The following CFHR2 variants were observed in gnomAD, a reference collection of about 807,000 sequenced individuals.
The protein encoded by CFHR2 is complement factor H-related protein 2.
A neutral mutation model predicts 21.7 loss-of-function variants in CFHR2; 22 were observed. That is an observed-to-expected ratio of 1.01 (90% confidence interval 0.72 to 1.45). The LOEUF (loss-of-function observed/expected upper bound fraction) is 1.45, where lower values mean the gene tolerates loss of function less well. Ranked by LOEUF, CFHR2 falls within the 40% of genes most tolerant of loss-of-function variation. CFHR2 has a pLI of 0.00. For missense variants in CFHR2, 294 were observed against 293.3 expected (o/e 1.00, Z -0.02); for synonymous variants, 98 against 97.4 (o/e 1.01, Z -0.04).
At chr1:196,953,294 A>AT (rs945243280) in intron 3 of CFHR2, among the ~76,000 whole-genome samples, 9 of 151,720 alleles carry the variant, frequency 5.9e-5, no homozygotes, top group Non-Finnish European at 1.2e-4. Flanking sequence ...TTACTTATTT[A>AT]TTTTTTGAGA....
intron 4 of CFHR2, 71 bp from the exon 5 acceptor site, chr1:196,958,810 A>C (rs1653002690): frequency 1.9e-5 from 19 of 977,060 alleles, no homozygotes; most frequent in Non-Finnish European, 3.0e-5. Flanking sequence ...ATAACATTCT[A>C]CTTGAAAACC....
intron 4 of CFHR2, among the ~76,000 whole-genome samples, chr1:196,958,342 C>T (rs975673463): frequency 6.6e-6 from 1 of 151,376 alleles, no homozygotes; most frequent in African/African-American, 2.4e-5. Context: ...GCAATGATTA[C>T]TATAAATTAA....
chr1:196,954,273 G>C (rs1013168440), intron 3 of CFHR2, among the ~76,000 whole-genome samples: 2 of 152,202 alleles, frequency 1.3e-5, no homozygotes, highest in Non-Finnish European at 2.9e-5. Flanking sequence ...TCCATAAAAG[G>C]TCTCATTTGA....
chr1:196,952,198 C>A (rs1652625753), intron 3 of CFHR2, among the ~76,000 whole-genome samples: 1 of 152,146 alleles, frequency 6.6e-6, no homozygotes, highest in Non-Finnish European at 1.5e-5. Context: ...ATCACTTGAG[C>A]CCAGGTGTTC....
chr1:196,949,701 G>A (rs753356137), intron 2 of CFHR2, 52 bp downstream of exon 2: 1 of 1,602,532 alleles, frequency 6.2e-7, no homozygotes, highest in Non-Finnish European at 8.5e-7. Context: ...AACAGAGAAG[G>A]ATATGCCAGA....
In CFHR2 at chr1:196,946,882, A is replaced by G. The variant is rs184895234; in HGVS notation, c.59-2573A>G. Among the ~76,000 whole-genome samples, 68 of 152,370 alleles carry G rather than the reference A, an allele frequency of 4.5e-4. No individual in the cohort carries two copies. The East Asian group carries it at 0.013, about 28-fold the overall frequency. ...GTAACACTTCTATATTGTCATCATC[A>G]AGTATTATGTACTGTACAAAATTGT... On this transcript the variant is annotated intron_variant, in intron 1 of 4. Transcript: ENST00000367415.
chr1:196,958,056 A>T lies in CFHR2; in HGVS notation c.596A>T (p.Glu199Val), dbSNP rs1362108171. ...QITCRNGQWS[E>V]PPKCLDPCVI... The stretch of plus-strand genomic sequence containing the variant: ...ACATGTAGAAACGGACAATGGTCAG[A>T]ACCACCAAAATGCTTAGGTAAGTAC... The change falls in exon 4 of 5, where the codon GAA (glutamate) becomes GTA (valine). Residue 199 changes from glutamate to valine, a missense_variant. By Grantham distance (121) the Glu-to-Val change is moderately radical (BLOSUM62 -2). Coordinates refer to ENST00000367415, the MANE Select transcript of CFHR2 (RefSeq NM_005666.4). 1.9e-5 allele frequency: 31 copies of T among 1,613,362 alleles called. No individual in the cohort carries two copies. Among genetic ancestry groups the T allele is most frequent in the Non-Finnish European group, 2.5e-5 (30 of 1,179,526 alleles).
chr1:196,949,580 C>T lies in CFHR2; in HGVS notation c.184C>T (p.Pro62Ser). 6.2e-7 allele frequency: 1 copy of T among 1,614,010 alleles called. No individual in the cohort carries two copies. The change falls in exon 2 of 5, where the codon CCT becomes TCT. Residue 62 changes from proline (P) to serine (S), a missense_variant. By Grantham distance (74) the Pro-to-Ser change is moderately conservative. Transcript: ENST00000367415. ...CTCCTGTGAATATAATTTTGTGTCTCCTTCAAAATCCTTTTGGACTCGCAT... is the reference window on the plus strand; with the variant it reads ...CTCCTGTGAATATAATTTTGTGTCTTCTTCAAAATCCTTTTGGACTCGCAT... ...YYSCEYNFVS[P>S]SKSFWTRITC...
chr1:196,944,849 T>A (rs1659415901), intron 1 of CFHR2, among the ~76,000 whole-genome samples: 1 of 150,320 alleles, frequency 6.7e-6, no homozygotes, highest in Admixed American at 6.6e-5. Context: ...CCCTTAGAAA[T>A]GTTGCAAAAT....
At position 196,959,207 on chromosome 1, in the gene CFHR2, T is replaced by C. The variant is rs993412081; in HGVS notation, c.*127T>C. 2.7e-6 allele frequency: 2 copies of C among 735,916 alleles called. No homozygotes were observed. Among genetic ancestry groups the C allele is most frequent in the Non-Finnish European group, 4.3e-6 (2 of 463,606 alleles). The allele number at this position is 735,916 out of a possible 1,614,324, so 45.6% of individuals were successfully genotyped here. A position where few individuals can be genotyped will look rare whatever the true frequency, so the allele number is the denominator to read the frequency against. On this transcript the variant is annotated 3_prime_UTR_variant, in exon 5 of 5. Coordinates refer to ENST00000367415, the MANE Select transcript of CFHR2 (RefSeq NM_005666.4). ...TTCATAAATAAAGTTTTGTGTTGATTTGTGAAAATGCAATTACAATCTGAG... is the reference window on the plus strand; with the variant it reads ...TTCATAAATAAAGTTTTGTGTTGATCTGTGAAAATGCAATTACAATCTGAG...
At chr1:196,954,401 A>T (rs989889920) in intron 3 of CFHR2, among the ~76,000 whole-genome samples, 3 of 152,224 alleles carry the variant, frequency 2.0e-5, no homozygotes, top group Non-Finnish European at 2.9e-5. Context: ...ATGGGCTAGC[A>T]TTGAGTGCCT....
intron 3 of CFHR2, among the ~76,000 whole-genome samples, chr1:196,953,689 A>T (rs1318975331): frequency 6.6e-6 from 1 of 152,226 alleles, no homozygotes; most frequent in Non-Finnish European, 1.5e-5. Context: ...ACAGAGATTT[A>T]GGGATACAAG....
intron 3 of CFHR2, among the ~76,000 whole-genome samples, chr1:196,956,660 T>A (rs577693842): frequency 2.0e-5 from 3 of 152,322 alleles, no homozygotes; most frequent in East Asian, 3.9e-4. Flanking sequence ...AGGATTTTTT[T>A]AATTATTGTT....
intron 2 of CFHR2, 87 bp from the exon 3 acceptor site, chr1:196,950,765 A>T: frequency 6.8e-7 from 1 of 1,461,202 alleles, no homozygotes; most frequent in Non-Finnish European, 9.5e-7. Context: ...GAGCCACTTC[A>T]CCCTATTTAT....
At chr1:196,957,771 A>G (rs977853211) in intron 3 of CFHR2, 120 bp from the exon 4 acceptor site, 7 of 862,760 alleles carry the variant, frequency 8.1e-6, no homozygotes, top group Non-Finnish European at 1.1e-5. Context: ...TCCGGGAATC[A>G]TTTCATTCAG....
chr1:196,951,016 T>G lies in CFHR2; in HGVS notation c.418T>G (p.Cys140Gly). The change falls in exon 3 of 5, where the codon TGC (cysteine) becomes GGC (glycine). Residue 140 changes from cysteine (C) to glycine (G), a missense_variant. Transcript: ENST00000367415. ...VERGWSTPPKCRSTISAEKCG... is the reference protein window; with the variant it reads ...VERGWSTPPKGRSTISAEKCG... ...ACGGGGCTGGTCCACTCCTCCCAAA[T>G]GCAGGTCCACTAGTAAGTGCAATGT... 6.2e-7 allele frequency: 1 copy of G among 1,612,836 alleles called. No individual in the cohort carries two copies.
chr1:196,947,342 G>A (rs1659543389), intron 1 of CFHR2, among the ~76,000 whole-genome samples: 1 of 152,064 alleles, frequency 6.6e-6, no homozygotes, highest in African/African-American at 2.4e-5. Context: ...CTGAAGCATA[G>A]GTACAATATA....
At chr1:196,957,789 C>T in intron 3 of CFHR2, 102 bp from the exon 4 acceptor site, 2 of 1,014,874 alleles carry the variant, frequency 2.0e-6, no homozygotes, top group Non-Finnish European at 2.9e-6. Flanking sequence ...CAGCACAAAT[C>T]ACAAAAGCCC....
At chr1:196,952,770 T>C (rs1389308802) in intron 3 of CFHR2, among the ~76,000 whole-genome samples, 6 of 152,214 alleles carry the variant, frequency 3.9e-5, no homozygotes, top group African/African-American at 1.4e-4. Flanking sequence ...TTCCATTCAG[T>C]GGGTAATGAC....
Sources: gnomAD v4.1 joint callset for allele counts (sites outside exome capture counted in the v4.1 genomes callset) on GRCh38, gnomAD v4.1.1 for gene constraint, MANE v1.5 for transcripts, NCBI Gene and HGNC (gene_info 2026-07-23, HGNC 2026-07-21) for gene names.